The following NEK10 variants were observed in gnomAD, a reference collection of about 807,000 sequenced individuals.
NEK10 encodes NIMA related kinase 10.
Under a neutral mutation model 159.8 loss-of-function variants are expected in NEK10, and 122 were observed. The ratio of observed to expected loss-of-function variants is 0.76; its 90% CI spans 0.66 to 0.89. NEK10 has a LOEUF of 0.89. NEK10 is among the 40% of genes least tolerant of loss of function. The pLI, the probability that NEK10 is intolerant of heterozygous loss-of-function variation, is 0.00. For missense variants in NEK10, 1,342 were observed against 1,323.1 expected (o/e 1.01, Z -0.22); for synonymous variants, 466 against 457.1 (o/e 1.02, Z -0.25).
chr3:27,249,893 T>A (rs1234159608), intron 23 of NEK10, among the ~76,000 whole-genome samples: 2 of 152,166 alleles, frequency 1.3e-5, no homozygotes, highest in Non-Finnish European at 2.9e-5. Flanking sequence ...CTGTTGTATG[T>A]TTTTTGATTT....
chr3:27,119,901 T>C, intron 32 of NEK10, 33 bp from the exon 33 acceptor site: 1 of 1,507,290 alleles, frequency 6.6e-7, no homozygotes, highest in South Asian at 1.1e-5. Flanking sequence ...ACATCTTAGT[T>C]TACACTCAGA....
intron 35 of NEK10, among the ~76,000 whole-genome samples, chr3:27,113,983 AAAT>A: frequency 6.6e-6 from 1 of 152,334 alleles, no homozygotes; most frequent in East Asian, 1.9e-4. Flanking sequence ...AGGGCACTTG[AAAT>A]AATGAGGCTC....
At chr3:27,143,986 C>A (rs909969416) in intron 30 of NEK10, among the ~76,000 whole-genome samples, 2 of 152,168 alleles carry the variant, frequency 1.3e-5, no homozygotes, top group Non-Finnish European at 2.9e-5. Flanking sequence ...TCCACTCAGC[C>A]AAGACATAAA....
intron 23 of NEK10, chr3:27,216,024 C>A: frequency 2.1e-6 from 1 of 473,104 alleles, no homozygotes; most frequent in South Asian, 4.5e-5. Context: ...TAGGTGGGGA[C>A]AAAGATCCAA....
chr3:27,234,721 T>A (rs1196782594), intron 23 of NEK10, among the ~76,000 whole-genome samples: 1 of 152,076 alleles, frequency 6.6e-6, no homozygotes, highest in African/African-American at 2.4e-5. Flanking sequence ...GCTATTCCCA[T>A]GAAACTATAA....
intron 23 of NEK10, among the ~76,000 whole-genome samples, chr3:27,248,393 T>C (rs1955309350): frequency 6.6e-6 from 1 of 152,248 alleles, no homozygotes; most frequent in Admixed American, 6.5e-5. Context: ...ACTTTTCTTC[T>C]ACTAATTTTG....
chr3:27,139,192 A>G (rs1943530929), intron 31 of NEK10, among the ~76,000 whole-genome samples: 2 of 152,238 alleles, frequency 1.3e-5, no homozygotes, highest in African/African-American at 2.4e-5. Context: ...AAAACTTGGA[A>G]TAGGAACATC....
chr3:27,293,859 A>T (rs633157), intron 15 of NEK10, among the ~76,000 whole-genome samples: 96,840 of 152,126 alleles, frequency 0.64, 33,117 homozygotes, highest in African/African-American at 0.91. Flanking sequence ...TGTAGAATGC[A>T]GGGAATATTG....
chr3:27,206,133 A>C (rs1250495014), intron 23 of NEK10, among the ~76,000 whole-genome samples: 3 of 152,206 alleles, frequency 2.0e-5, no homozygotes, highest in African/African-American at 7.2e-5. Flanking sequence ...CACGTTGCAG[A>C]TTAGGATTTC....
chr3:27,347,558 T>C (rs1323418286), intron 3 of NEK10, among the ~76,000 whole-genome samples: 1 of 147,198 alleles, frequency 6.8e-6, no homozygotes, highest in Non-Finnish European at 1.5e-5. Context: ...AAAGAGAATA[T>C]GCCTGACTTT....
At chr3:27,337,808 A>T (rs1409738252) in intron 5 of NEK10, among the ~76,000 whole-genome samples, 1 of 152,162 alleles carries the variant, frequency 6.6e-6, no homozygotes, top group Non-Finnish European at 1.5e-5. Context: ...TCAACACAAG[A>T]TGGATTAAAG....
chr3:27,200,553 C>CTA (rs1260911039), intron 25 of NEK10, among the ~76,000 whole-genome samples: 2 of 152,178 alleles, frequency 1.3e-5, no homozygotes, highest in Non-Finnish European at 2.9e-5. Flanking sequence ...TATTAAGGGT[C>CTA]TACTCTGTGC....
At chr3:27,271,022 CCAT>C (rs2041295266) in intron 22 of NEK10, among the ~76,000 whole-genome samples, 1 of 151,988 alleles carries the variant, frequency 6.6e-6, no homozygotes, top group Admixed American at 6.6e-5. Context: ...TATGAAAGAT[CCAT>C]GAGAGGACTT....
chr3:27,295,508 G>T, intron 15 of NEK10, 105 bp downstream of exon 15: 6 of 1,386,600 alleles, frequency 4.3e-6, no homozygotes, highest in Non-Finnish European at 5.7e-6. Flanking sequence ...AGTCAGTACA[G>T]GGACCAGTAC....
intron 16 of NEK10, among the ~76,000 whole-genome samples, chr3:27,292,959 C>A (rs2043106816): frequency 6.6e-6 from 1 of 152,060 alleles, no homozygotes. Context: ...GTCTATTCTG[C>A]CTTATTAACA....
chr3:27,349,558 A>T (rs1013208979), intron 3 of NEK10, among the ~76,000 whole-genome samples: 17 of 152,178 alleles, frequency 1.1e-4, no homozygotes, highest in African/African-American at 4.1e-4. Context: ...GCATCTATCA[A>T]AACCTTTATT....
chr3:27,170,808 A>G (rs1290319640), intron 29 of NEK10, among the ~76,000 whole-genome samples: 4 of 152,080 alleles, frequency 2.6e-5, no homozygotes, highest in African/African-American at 9.7e-5. Context: ...GCTTAATTTT[A>G]TCTTCACCTC....
chr3:27,276,730 G>A (rs147645731), intron 22 of NEK10, among the ~76,000 whole-genome samples: 24 of 152,130 alleles, frequency 1.6e-4, no homozygotes, highest in African/African-American at 3.6e-4. Flanking sequence ...TTAACTGGCC[G>A]ACAAATCTTT....
chr3:27,297,849 G>A (rs1409114663), intron 13 of NEK10, among the ~76,000 whole-genome samples: 3 of 152,136 alleles, frequency 2.0e-5, no homozygotes, highest in Admixed American at 6.5e-5. Context: ...ATTTTGCACT[G>A]AGATACTTGT....
Sources: allele counts gnomAD v4.1 joint callset (sites outside exome capture counted in the v4.1 genomes callset), GRCh38; gene constraint gnomAD v4.1.1; transcripts MANE v1.5; gene names NCBI Gene and HGNC (gene_info 2026-07-23, HGNC 2026-07-21).